DPPA3: variants seen among roughly 807,000 people sequenced by gnomAD.
DPPA3 encodes the protein developmental pluripotency-associated protein 3.
A neutral mutation model predicts 15.6 loss-of-function variants in DPPA3; 9 were observed. That is an observed-to-expected ratio of 0.58 (90% CI 0.35 to 1.01). The LOEUF is 1.01. DPPA3 is among the 50% of genes least tolerant of loss of function. DPPA3 has a pLI of 0.02. For missense variants in DPPA3, 148 were observed against 194.6 expected, an observed-to-expected ratio of 0.76 and a Z score of 1.42; for synonymous variants, 61 against 70.9, an observed-to-expected ratio of 0.86 and a Z score of 0.70.
At chr12:7,713,627 T>TA (rs1285763585) in intron 1 of DPPA3, among the ~76,000 whole-genome samples, 2 of 152,126 alleles carry the variant, frequency 1.3e-5, no homozygotes, top group African/African-American at 2.4e-5. Flanking sequence ...TTTCCCAAAA[T>TA]AGAGTTTGAG....
At chr12:7,715,980 C>T (rs1864394895) in intron 2 of DPPA3, among the ~76,000 whole-genome samples, 1 of 151,686 alleles carries the variant, frequency 6.6e-6, no homozygotes, top group Admixed American at 6.6e-5. Flanking sequence ...GTCCCAGCTG[C>T]TGTGGGGTGG....
At chr12:7,716,269 CT>C (rs34547953) in intron 3 of DPPA3, 30 bp downstream of exon 3, 13,911 of 1,289,578 alleles carry the variant, frequency 0.011, no homozygotes, top group Admixed American at 0.034. Context: ...TTTTATTTTC[CT>C]TTTTTTTTTT....
rs774572384 is a variant in DPPA3, at chr12:7,715,269, T to C, written c.169T>C (p.Ser57Pro). Residue 57 changes from serine to proline, a missense_variant, in exon 2 of 4, where the codon TCG becomes CCG. Transcript: ENST00000345088. ...NASSESVSPL[S>P]EALLRRESVG... is the part of the protein sequence containing the mutation. ...TAGTAGCGAATCTGTTTCCCCTCTA[T>C]CGGAAGCTTTACTCCGTCGAGAGTC... 4 of 1,613,844 alleles carry C rather than the reference T, an allele frequency of 2.5e-6. No homozygotes were observed. The highest frequency in any genetic ancestry group is 1.1e-5 in the South Asian group (1 of 91,064).
chr12:7,712,471 A>G (rs1375328351), intron 1 of DPPA3, among the ~76,000 whole-genome samples: 2 of 151,826 alleles, frequency 1.3e-5, no homozygotes, highest in Non-Finnish European at 2.9e-5. Context: ...TATTTTTTTG[A>G]GACGGAGTCT....
intron 1 of DPPA3, among the ~76,000 whole-genome samples, chr12:7,714,929 G>T (rs1307938340): frequency 6.6e-6 from 1 of 151,966 alleles, no homozygotes; most frequent in East Asian, 1.9e-4. Flanking sequence ...TAGCCAGGAT[G>T]GTCTCGATCT....
chr12:7,715,284 C>G lies in DPPA3; in HGVS notation c.184C>G (p.Arg62Gly), dbSNP rs753598013. Residue 62 changes from arginine (R) to glycine (G), a missense_variant, in exon 2 of 4, where the codon CGT becomes GGT. Physicochemically the swap from Arg to Gly is moderately radical, Grantham distance 125. Coordinates refer to ENST00000345088, the MANE Select transcript of DPPA3 (RefSeq NM_199286.4). Reference sequence around the variant, plus strand: ...TTCCCCTCTATCGGAAGCTTTACTCCGTCGAGAGTCTGTAGGAGCAGCAGT... The same window carrying G: ...TTCCCCTCTATCGGAAGCTTTACTCGGTCGAGAGTCTGTAGGAGCAGCAGT... ...SVSPLSEALL[R>G]RESVGAAVLR... 11 of 1,613,728 alleles carry G rather than the reference C, an allele frequency of 6.8e-6. No homozygotes were observed. Among genetic ancestry groups the G allele is most frequent in the Non-Finnish European group, 7.6e-6 (9 of 1,179,892 alleles).
At position 7,717,105 on chromosome 12, in the gene DPPA3, G is replaced by C. The variant is rs11055388; in HGVS notation, c.*28G>C. On this transcript the variant is annotated 3_prime_UTR_variant, in exon 4 of 4. Transcript: ENST00000345088. ...CTTATTCTTGCACCTTTTTTTCTTG[G>C]TAGTAATTTTATATAGCAGGTTGAG... The C allele has an allele frequency of 0.99, 1,374,479 of 1,393,404 alleles. 679,913 individuals are homozygous for C. The highest frequency in any genetic ancestry group is 1 in the East Asian group (43,766 of 43,768). The allele number at this position is 1,393,404 out of a possible 1,614,324, so 86.3% of individuals were successfully genotyped here. A position where few individuals can be genotyped will look rare whatever the true frequency, so the allele number is the denominator to read the frequency against.
chr12:7,711,864 A>C (rs1558534), intron 1 of DPPA3, among the ~76,000 whole-genome samples: 1 of 149,878 alleles, frequency 6.7e-6, no homozygotes. Flanking sequence ...GTGGTGAGAA[A>C]TGTATTATTT....
chr12:7,711,715 G>A, intron 1 of DPPA3, 63 bp downstream of exon 1: 4 of 813,904 alleles, frequency 4.9e-6, no homozygotes, highest in South Asian at 2.1e-5. Context: ...TCAAAAGGCT[G>A]CCGTCTTTTT....
At chr12:7,715,464 C>A (rs368350375) in intron 2 of DPPA3, 37 bp downstream of exon 2, 1 of 1,612,986 alleles carries the variant, frequency 6.2e-7, no homozygotes, top group Non-Finnish European at 8.5e-7. Context: ...TGTCCAATTC[C>A]GGAGAGTGAC....
At chr12:7,712,374 A>G (rs941726410) in intron 1 of DPPA3, among the ~76,000 whole-genome samples, 12 of 151,866 alleles carry the variant, frequency 7.9e-5, no homozygotes, top group South Asian at 2.1e-4. Context: ...AAAGATAGGG[A>G]AAAAAAATGA....
chr12:7,716,240 G>GT lies in DPPA3; in HGVS notation c.369+2dup, dbSNP rs1461351678. On this transcript the variant is annotated splice_donor_variant, in intron 3 of 3. Transcript: ENST00000345088. LOFTEE classifies it high-confidence loss of function. ...AAACAAGGAGCCTAAGGGAGTTAAG[G>GT]TAAGTATAATTTTTTTCTTTTTATT... 4 of 1,578,424 alleles carry GT rather than the reference G, an allele frequency of 2.5e-6. No individual in the cohort carries two copies. The East Asian group carries it at 9.0e-5, about 36-fold the overall frequency.
At chr12:7,711,695 G>T (rs747977064) in intron 1 of DPPA3, 43 bp downstream of exon 1, 15 of 1,486,760 alleles carry the variant, frequency 1.0e-5, no homozygotes, top group African/African-American at 7.3e-5. Flanking sequence ...ACTATAGGGG[G>T]GTTGGGAGGT....
At chr12:7,715,550 C>T in intron 2 of DPPA3, 123 bp downstream of exon 2, 2 of 1,449,738 alleles carry the variant, frequency 1.4e-6, no homozygotes, top group East Asian at 2.4e-5. Context: ...AATCTGAGCA[C>T]TTCGGGAGGC....
chr12:7,711,576 C>T lies in DPPA3; in HGVS notation c.6C>T (p.Asp2=), dbSNP rs762510958. The change falls in exon 1 of 4, where the codon GAC becomes GAT. Residue 2 remains aspartate, a synonymous_variant. Transcript: ENST00000345088. ...AGTGTTGTGTCAAGACGCCGATGGA[C>T]CCATCACAGTTTAATCCAACCTACA... The part of the protein sequence containing the change: M[D]PSQFNPTYIP... The T allele has an allele frequency of 1.2e-6, 2 of 1,613,544 alleles. No individual in the cohort carries two copies. Among genetic ancestry groups the T allele is most frequent in the Non-Finnish European group, 8.5e-7 (1 of 1,179,816 alleles).
intron 1 of DPPA3, 97 bp downstream of exon 1, chr12:7,711,749 T>TA (rs1555101477): frequency 1.2e-5 from 9 of 764,322 alleles, no homozygotes; most frequent in South Asian, 2.0e-5. Flanking sequence ...TTTTTTTTTT[T>TA]AATGTTGACT....
At chr12:7,714,421 C>G (rs1028089528) in intron 1 of DPPA3, among the ~76,000 whole-genome samples, 1 of 151,936 alleles carries the variant, frequency 6.6e-6, no homozygotes, top group Non-Finnish European at 1.5e-5. Flanking sequence ...GGAAAAAATT[C>G]TCGCGTAAGT....
In DPPA3 at chr12:7,715,237, T is replaced by C. The variant is rs767572862; in HGVS notation, c.137T>C (p.Ile46Thr). The change falls in exon 2 of 4, where the codon ATC becomes ACC. Residue 46 changes from isoleucine (I) to threonine (T), a missense_variant. Coordinates refer to ENST00000345088, the MANE Select transcript of DPPA3 (RefSeq NM_199286.4). ...ATAAAGAACCTTAGTAACTTGACTA[T>C]CAACGCTAGTAGCGAATCTGTTTCC... ...TLIKNLSNLT[I>T]NASSESVSPL... The C allele has an allele frequency of 3.6e-5, 58 of 1,613,722 alleles. 1 individual carries two copies. Among genetic ancestry groups the C allele is most frequent in the South Asian group, 2.0e-4 (18 of 91,066 alleles).
At position 7,715,203 on chromosome 12, in the gene DPPA3, G is replaced by A. The variant is rs1864384351; in HGVS notation, c.103G>A (p.Glu35Lys). Residue 35 changes from glutamate (E) to lysine (K), a missense_variant, in exon 2 of 4, where the codon GAG becomes AAG. Glu to Lys is a moderately conservative substitution (Grantham distance 56). Coordinates refer to ENST00000345088, the MANE Select transcript of DPPA3 (RefSeq NM_199286.4). Reference protein sequence around the residue: ...DDSGASQISSETLIKNLSNLT... With the variant: ...DDSGASQISSKTLIKNLSNLT... The stretch of plus-strand genomic sequence containing the variant: ...TTCAGGGGCCTCTCAAATCTCCTCC[G>A]AGACGTTGATAAAGAACCTTAGTAA... 4.3e-6 allele frequency: 7 copies of A among 1,613,380 alleles called. No homozygotes were observed. The highest frequency in any genetic ancestry group is 1.3e-5 in the African/African-American group (1 of 74,842).
Sources: gnomAD v4.1 joint callset for allele counts (sites outside exome capture counted in the v4.1 genomes callset) on GRCh38, gnomAD v4.1.1 for gene constraint, MANE v1.5 for transcripts, NCBI Gene and HGNC (gene_info 2026-07-23, HGNC 2026-07-21) for gene names.